PLB1: variants seen among roughly 807,000 people sequenced by gnomAD.
PLB1 encodes the protein phospholipase B1.
PLB1 carries 242 observed loss-of-function variants against 227.4 expected under a neutral mutation model. The observed-to-expected ratio is 1.06, with a 90% CI of 0.96 to 1.18. The LOEUF (loss-of-function observed/expected upper bound fraction) is 1.18, where lower values mean the gene tolerates loss of function less well. Among genes scored for constraint, PLB1 ranks in the 50% most tolerant of loss-of-function variants. The pLI, the probability that PLB1 is intolerant of heterozygous loss-of-function variation, is 0.00. For missense variants in PLB1, 1,858 were observed against 1,816.3 expected (o/e 1.02, Z -0.42); for synonymous variants, 757 against 682.2 (o/e 1.11, Z -1.71).
intron 25 of PLB1, among the ~76,000 whole-genome samples, chr2:28,583,623 C>G (rs1195902117): frequency 1.3e-5 from 2 of 152,194 alleles, no homozygotes; most frequent in African/African-American, 4.8e-5. Flanking sequence ...CCTCCTTCAG[C>G]TGCGATGCAC....
In PLB1 at chr2:28,565,314, T is replaced by C. The variant is rs776821586; in HGVS notation, c.1241T>C (p.Val414Ala). 1.2e-6 allele frequency: 2 copies of C among 1,611,812 alleles called. No homozygotes were observed. Among genetic ancestry groups the C allele is most frequent in the South Asian group, 1.1e-5 (1 of 90,116 alleles). The change falls in exon 19 of 58, where the codon GTC (valine) becomes GCC (alanine). Residue 414 changes from valine (V) to alanine (A), a missense_variant. Transcript: ENST00000327757. ...GGGGCCGGGTCCACACCTGGGAACG[T>C]CTTGGACGTCTTGACTCAGTACCGA... ...GNGAGSTPGN[V>A]LDVLTQYRGL...
At chr2:28,625,529 A>C in intron 50 of PLB1, among the ~76,000 whole-genome samples, 2 of 150,980 alleles carry the variant, frequency 1.3e-5, no homozygotes, top group African/African-American at 4.9e-5. Context: ...TTAACCGTTC[A>C]GTGTTTATGC....
intron 56 of PLB1, among the ~76,000 whole-genome samples, chr2:28,636,354 A>G (rs745877179): frequency 6.6e-6 from 1 of 152,148 alleles, no homozygotes. Flanking sequence ...GTGAGCCACA[A>G]TGCTTGGCCA....
rs60157602 is a variant in PLB1, at chr2:28,639,802, A to C, written c.4099-1125A>C. ...GGAAATAATACTACCTTATGTATGT[A>C]AGCCACCCCAATCACACGTGCTTTC... On this transcript the variant is annotated intron_variant, in intron 56 of 57. Transcript: ENST00000327757. Among the ~76,000 whole-genome samples the C allele has an allele frequency of 3.8e-3, 585 of 152,328 alleles. 5 individuals carry two copies. The highest frequency in any genetic ancestry group is 0.013 in the African/African-American group (558 of 41,572).
Sources: allele counts gnomAD v4.1 joint callset (sites outside exome capture counted in the v4.1 genomes callset), GRCh38; gene constraint gnomAD v4.1.1; transcripts MANE v1.5; gene names NCBI Gene and HGNC (gene_info 2026-07-23, HGNC 2026-07-21).